The following SPATS2 variants were observed in gnomAD, a reference collection of about 807,000 sequenced individuals.
SPATS2 encodes the protein spermatogenesis associated serine rich 2.
A neutral mutation model predicts 63.7 loss-of-function variants in SPATS2; 38 were observed. The ratio of observed to expected loss-of-function variants is 0.60; its 90% CI spans 0.46 to 0.78. The LOEUF is 0.78. SPATS2 is among the 30% of genes least tolerant of loss of function. The pLI is 0.00. For synonymous variants in SPATS2, 207 were observed against 232.9 expected (o/e 0.89, Z 1.01); for missense variants, 588 against 666.2 (o/e 0.88, Z 1.29).
At chr12:49,525,347 C>T (rs1947015204) in intron 13 of SPATS2, among the ~76,000 whole-genome samples, 1 of 152,174 alleles carries the variant, frequency 6.6e-6, no homozygotes, top group Admixed American at 6.5e-5. Context: ...TCCATAGGTT[C>T]TTCTCCTGTT....
At chr12:49,369,456 A>G (rs891433262) in intron 1 of SPATS2, among the ~76,000 whole-genome samples, 2 of 152,232 alleles carry the variant, frequency 1.3e-5, no homozygotes, top group African/African-American at 4.8e-5. Flanking sequence ...TAATTTACTA[A>G]GGTCACAGAG....
intron 2 of SPATS2, among the ~76,000 whole-genome samples, chr12:49,395,826 G>C (rs1944499948): frequency 6.6e-6 from 1 of 152,190 alleles, no homozygotes; most frequent in South Asian, 2.1e-4. Context: ...ATTAACTATA[G>C]GGACAGTGTT....
At position 49,494,896 on chromosome 12, in the gene SPATS2, C is replaced by T; in HGVS notation, c.420C>T (p.Asp140=). Residue 140 remains aspartate (D), a synonymous_variant, in exon 7 of 14, where the codon GAC becomes GAT. Coordinates refer to ENST00000552918, the MANE Select transcript of SPATS2 (RefSeq NM_023071.4). Reference sequence around the variant, plus strand: ...ACCATGTCAATGGTGCCATCAATGACACTGAGTCTGTGGACTCACTCAGTG... The same window carrying T: ...ACCATGTCAATGGTGCCATCAATGATACTGAGTCTGTGGACTCACTCAGTG... ...NGYHVNGAIN[D]TESVDSLSEG... is the part of the protein sequence containing the mutation. The T allele has an allele frequency of 6.2e-7, 1 of 1,614,022 alleles. No homozygotes were observed. Among genetic ancestry groups the T allele is most frequent in the Non-Finnish European group, 8.5e-7 (1 of 1,180,018 alleles).
chr12:49,455,533 G>A (rs1418595502), intron 2 of SPATS2, among the ~76,000 whole-genome samples: 1 of 151,990 alleles, frequency 6.6e-6, no homozygotes, highest in Non-Finnish European at 1.5e-5. Flanking sequence ...TTAGCCTTCC[G>A]AGTAGCTGGG....
chr12:49,526,207 C>T lies in SPATS2; in HGVS notation c.1590C>T (p.Leu530=), dbSNP rs1041398367. The T allele has an allele frequency of 3.1e-6, 5 of 1,614,118 alleles. No individual in the cohort carries two copies. The highest frequency in any genetic ancestry group is 1.7e-6 in the Non-Finnish European group (2 of 1,180,014). ...SPPTPSFKKG[L]PQRKPRTSQT... Reference sequence around the variant, plus strand: ...CCACGCCTTCATTCAAAAAGGGGCTCCCCCAGCGCAAACCCAGGACCTCTC... The same window carrying T: ...CCACGCCTTCATTCAAAAAGGGGCTTCCCCAGCGCAAACCCAGGACCTCTC... Residue 530 remains leucine, a synonymous_variant, in exon 14 of 14, where the codon CTC becomes CTT. Coordinates refer to ENST00000552918, the MANE Select transcript of SPATS2 (RefSeq NM_023071.4).
At chr12:49,479,365 T>C (rs910291166) in intron 3 of SPATS2, among the ~76,000 whole-genome samples, 2 of 152,178 alleles carry the variant, frequency 1.3e-5, no homozygotes, top group Non-Finnish European at 2.9e-5. Flanking sequence ...GCACCCTGGC[T>C]CAGCCAACTT....
chr12:49,499,404 G>A lies in SPATS2; in HGVS notation c.704-666G>A, dbSNP rs531263432. On this transcript the variant is annotated intron_variant, in intron 8 of 13. Transcript: ENST00000552918. ...TTGTTCTGCCTGGTTGTTTTGTTTT[G>A]TTTTGTTTTGTTTTGTTTTGTTTTG... Among the ~76,000 whole-genome samples, 292 of 140,152 alleles carry A rather than the reference G, an allele frequency of 2.1e-3. 3 individuals are homozygous for A. The highest frequency in any genetic ancestry group is 8.7e-3 in the African/African-American group (271 of 31,152). The allele number at this position is 140,152 out of a possible 152,430, so 91.9% of individuals were successfully genotyped here.
intron 2 of SPATS2, among the ~76,000 whole-genome samples, chr12:49,460,112 AAAAC>A (rs890224036): frequency 2.3e-4 from 35 of 151,910 alleles, no homozygotes; most frequent in African/African-American, 6.5e-4. Flanking sequence ...CCGCCTCAAA[AAAAC>A]AAACAAACAA....
chr12:49,524,645 A>C, intron 12 of SPATS2, 37 bp from the exon 13 acceptor site: 1 of 1,593,046 alleles, frequency 6.3e-7, no homozygotes, highest in Non-Finnish European at 8.6e-7. Flanking sequence ...GTGCTGTTCT[A>C]TCATATGATC....
rs1002490222 is a variant in SPATS2, at chr12:49,415,173, G to GC, written c.-244+43889dup. 5.3e-5 allele frequency among the ~76,000 whole-genome samples: 8 copies of GC among 151,200 alleles called. No individual in the cohort carries two copies. In the East Asian group the frequency reaches 1.2e-3, roughly 22 times the overall value. On this transcript the variant is annotated intron_variant, in intron 2 of 13. Transcript: ENST00000552918. ...TCTCGAACTCCTGACCACCTGATCT[G>GC]CCCCCCTCAGCCTCCCAAAGTGCTG... is the stretch of plus-strand genomic sequence containing the variant.
chr12:49,449,571 T>C (rs1225234235), intron 2 of SPATS2, among the ~76,000 whole-genome samples: 1 of 152,168 alleles, frequency 6.6e-6, no homozygotes, highest in Non-Finnish European at 1.5e-5. Context: ...TAAAGACATA[T>C]CTGAGACTGG....
chr12:49,461,291 T>C (rs1945817951), intron 3 of SPATS2: 1 of 445,876 alleles, frequency 2.2e-6, no homozygotes, highest in East Asian at 4.2e-5. Context: ...ACTGAACATA[T>C]GTTAGGGAGA....
intron 4 of SPATS2, among the ~76,000 whole-genome samples, 161 bp downstream of exon 4, chr12:49,484,830 G>A (rs1420838330): frequency 6.6e-6 from 1 of 152,146 alleles, no homozygotes; most frequent in African/African-American, 2.4e-5. Context: ...GGTTCTGATT[G>A]CGCAGAACCT....
At chr12:49,461,284 G>T (rs1167520834) in intron 3 of SPATS2, 4 of 478,704 alleles carry the variant, frequency 8.4e-6, no homozygotes, top group Non-Finnish European at 1.5e-5. Flanking sequence ...TTTGAATACT[G>T]AACATATGTT....
At chr12:49,509,522 G>A (rs1460413655) in intron 9 of SPATS2, among the ~76,000 whole-genome samples, 5 of 151,904 alleles carry the variant, frequency 3.3e-5, no homozygotes, top group Non-Finnish European at 5.9e-5. Context: ...CTCCGGCCTC[G>A]GCCTCCCAGA....
chr12:49,408,496 G>T (rs1302126734), intron 2 of SPATS2, among the ~76,000 whole-genome samples: 1 of 144,150 alleles, frequency 6.9e-6, no homozygotes, highest in East Asian at 2.1e-4. Context: ...CAAGTGATTC[G>T]CCTGCCTTGG....
chr12:49,453,479 T>C (rs1945661487), intron 2 of SPATS2, among the ~76,000 whole-genome samples: 1 of 152,178 alleles, frequency 6.6e-6, no homozygotes, highest in South Asian at 2.1e-4. Flanking sequence ...TGCTGATGTC[T>C]CTGCTCAGTT....
intron 2 of SPATS2, among the ~76,000 whole-genome samples, chr12:49,414,935 C>CTTTT (rs199648430): frequency 1.0e-4 from 14 of 135,954 alleles, no homozygotes; most frequent in African/African-American, 3.8e-4. Context: ...TTTTCTTTTT[C>CTTTT]TTTTCTTTTT....
chr12:49,435,191 C>T (rs1203262295), intron 2 of SPATS2, among the ~76,000 whole-genome samples: 7 of 151,774 alleles, frequency 4.6e-5, no homozygotes, highest in East Asian at 3.9e-4. Flanking sequence ...CCACCATACC[C>T]GGCTAATTTT....
Sources: allele counts gnomAD v4.1 joint callset (sites outside exome capture counted in the v4.1 genomes callset), GRCh38; gene constraint gnomAD v4.1.1; transcripts MANE v1.5; gene names NCBI Gene and HGNC (gene_info 2026-07-23, HGNC 2026-07-21).